Variants in ESRRB observed in about 807,000 individuals in gnomAD.
ESRRB encodes estrogen related receptor beta.
A neutral mutation model predicts 46.0 loss-of-function variants in ESRRB; 16 were observed. The observed-to-expected ratio is 0.35, with a 90% CI of 0.24 to 0.53. The LOEUF (loss-of-function observed/expected upper bound fraction) is 0.53. ESRRB is among the 20% of genes least tolerant of loss of function. ESRRB has a pLI of 0.93. For synonymous variants in ESRRB, 246 were observed against 259.6 expected (o/e 0.95, Z 0.50); for missense variants, 488 against 607.4 (o/e 0.80, Z 2.07).
At chr14:76,371,278 G>C (rs1472631999), upstream of ESRRB, 1 of 152,282 alleles carries the variant, frequency 6.6e-6, no homozygotes, top group Non-Finnish European at 1.5e-5. Flanking sequence ...TGGGCTAGCA[G>C]TCTGCTGACC....
At chr14:76,377,030 G>A (rs1342521116) in intron 1 of ESRRB, among the ~76,000 whole-genome samples, 1 of 152,216 alleles carries the variant, frequency 6.6e-6, no homozygotes, top group East Asian at 1.9e-4. Flanking sequence ...CGGATCCAGG[G>A]CGCCCGGGGG....
upstream of ESRRB, chr14:76,371,198 A>T (rs1220765868): frequency 6.6e-6 from 1 of 152,224 alleles, no homozygotes; most frequent in African/African-American, 2.4e-5. Flanking sequence ...GGAGACTATT[A>T]TGAGAGCACA....
chr14:76,336,748 A>C (rs1037059112), intron 1 of ESRRB, among the ~76,000 whole-genome samples: 2 of 151,904 alleles, frequency 1.3e-5, no homozygotes, highest in African/African-American at 4.8e-5. Context: ...CTCTTCACTC[A>C]CTCACGCATT....
At chr14:76,407,879 G>A (rs948292909) in intron 1 of ESRRB, among the ~76,000 whole-genome samples, 1 of 152,168 alleles carries the variant, frequency 6.6e-6, no homozygotes, top group African/African-American at 2.4e-5. Context: ...AGCCTAATTT[G>A]CTTGTGCCAG....
rs146843455 is a variant in ESRRB at position 76,461,140 on chromosome 14, C to G, written c.461-1405C>G. On this transcript the variant is annotated intron_variant, in intron 2 of 6. Transcript: ENST00000644823. ...AGGTCAGATGCCTGTATTAGAAAGG[C>G]AGTCACAGCCTCTCCTGACTGGACT... Among the ~76,000 whole-genome samples, 1,285 of 152,328 alleles carry G rather than the reference C, an allele frequency of 8.4e-3. 17 individuals are homozygous for G. Among genetic ancestry groups the G allele is most frequent in the African/African-American group, 0.03 (1,233 of 41,578 alleles).
chr14:76,474,283 T>C (rs1215055341), intron 3 of ESRRB, among the ~76,000 whole-genome samples: 1 of 152,240 alleles, frequency 6.6e-6, no homozygotes, highest in Non-Finnish European at 1.5e-5. Context: ...GGCAAGAAGT[T>C]ACTACTGAGT....
intron 1 of ESRRB, among the ~76,000 whole-genome samples, chr14:76,418,246 C>T (rs971913111): frequency 5.9e-5 from 9 of 152,146 alleles, no homozygotes; most frequent in African/African-American, 1.4e-4. Flanking sequence ...TGAGCCACTG[C>T]GCCTGACCTT....
chr14:76,392,895 G>A (rs998205137), intron 1 of ESRRB, among the ~76,000 whole-genome samples: 5 of 152,236 alleles, frequency 3.3e-5, no homozygotes, highest in African/African-American at 1.2e-4. Flanking sequence ...GTAGCCCTGG[G>A]TGGCCACTGG....
At chr14:76,438,966 A>AT (rs34310817) in intron 1 of ESRRB, among the ~76,000 whole-genome samples, 11,542 of 147,040 alleles carry the variant, frequency 0.078, 586 homozygotes, top group East Asian at 0.25. Flanking sequence ...TGCCAGGCTA[A>AT]TTTTTTTTTT....
chr14:76,360,352 G>A (rs1187165252), intron 1 of ESRRB, among the ~76,000 whole-genome samples: 2 of 152,212 alleles, frequency 1.3e-5, no homozygotes, highest in Non-Finnish European at 2.9e-5. Context: ...GGTCTCCGGA[G>A]CAGAGCAGGG....
chr14:76,327,166 C>A (rs1372046733), intron 1 of ESRRB, among the ~76,000 whole-genome samples: 2 of 152,246 alleles, frequency 1.3e-5, no homozygotes, highest in Non-Finnish European at 2.9e-5. Flanking sequence ...AAGGGATTCT[C>A]AACCAAGAGG....
intron 2 of ESRRB, among the ~76,000 whole-genome samples, chr14:76,453,551 TA>T (rs1397236642): frequency 6.6e-6 from 1 of 152,080 alleles, no homozygotes. Flanking sequence ...TTCTCTTATG[TA>T]TGTGTAAGAA....
chr14:76,390,076 A>G (rs1885404903), intron 1 of ESRRB, among the ~76,000 whole-genome samples: 1 of 152,072 alleles, frequency 6.6e-6, no homozygotes, highest in Non-Finnish European at 1.5e-5. Flanking sequence ...TTACCACACC[A>G]CTGCACTGGC....
intron 1 of ESRRB, among the ~76,000 whole-genome samples, chr14:76,345,307 A>C (rs1333173030): frequency 6.6e-6 from 1 of 152,218 alleles, no homozygotes; most frequent in Non-Finnish European, 1.5e-5. Flanking sequence ...CAAAGGACTA[A>C]TATCCAGAAT....
chr14:76,313,552 G>A (rs997725117), intron 1 of ESRRB, among the ~76,000 whole-genome samples: 7 of 152,158 alleles, frequency 4.6e-5, no homozygotes, highest in African/African-American at 1.4e-4. Context: ...ATGAGCAGGT[G>A]CTTTGGAATG....
chr14:76,337,066 C>T (rs771445168), intron 1 of ESRRB, among the ~76,000 whole-genome samples: 25 of 152,024 alleles, frequency 1.6e-4, no homozygotes, highest in Non-Finnish European at 3.2e-4. Context: ...TGCAAAGGCC[C>T]TGAGGTAGGA....
At chr14:76,423,361 C>G (rs896201759) in intron 1 of ESRRB, among the ~76,000 whole-genome samples, 1 of 152,106 alleles carries the variant, frequency 6.6e-6, no homozygotes, top group Non-Finnish European at 1.5e-5. Context: ...CCAGGCTGGT[C>G]TCGAACTTCT....
At chr14:76,383,042 C>A (rs546477487) in intron 1 of ESRRB, among the ~76,000 whole-genome samples, 11 of 152,280 alleles carry the variant, frequency 7.2e-5, no homozygotes, top group African/African-American at 1.7e-4. Flanking sequence ...CTTCTGATTT[C>A]AAATGTGATC....
At chr14:76,330,335 G>C (rs1464609826) in intron 1 of ESRRB, among the ~76,000 whole-genome samples, 1 of 152,192 alleles carries the variant, frequency 6.6e-6, no homozygotes, top group Non-Finnish European at 1.5e-5. Context: ...TTTTCATCCC[G>C]CCTGACACAG....
Sources: gnomAD v4.1 joint callset for allele counts (sites outside exome capture counted in the v4.1 genomes callset) on GRCh38, gnomAD v4.1.1 for gene constraint, MANE v1.5 for transcripts, NCBI Gene and HGNC (gene_info 2026-07-23, HGNC 2026-07-21) for gene names.